Variants in NBEA observed in about 807,000 individuals in gnomAD.
The protein encoded by NBEA is neurobeachin.
In NBEA, 44 loss-of-function variants were observed where a neutral mutation model predicts 343.4. That is an observed-to-expected ratio of 0.13 (90% CI 0.10 to 0.16). NBEA has a LOEUF of 0.16. NBEA is among the 10% of genes least tolerant of loss of function. NBEA has a pLI of 1.00. For synonymous variants in NBEA, 1,175 were observed against 1,238.7 expected, an observed-to-expected ratio of 0.95 and a Z score of 1.08; for missense variants, 2,555 against 3,631.3, an observed-to-expected ratio of 0.70 and a Z score of 7.62.
At position 35,671,405 on chromosome 13, in the gene NBEA, C is replaced by CA. The variant is rs991875501; in HGVS notation, c.*415dup. 8 of 150,038 alleles carry CA rather than the reference C, an allele frequency of 5.3e-5. No individual in the cohort carries two copies. Among genetic ancestry groups the CA allele is most frequent in the African/African-American group, 2.0e-4 (8 of 40,024 alleles). The allele number at this position is 150,038 out of a possible 1,614,324, so 9.3% of individuals were successfully genotyped here. A position where few individuals can be genotyped will look rare whatever the true frequency, so the allele number is the denominator to read the frequency against. The stretch of plus-strand genomic sequence containing the variant: ...TCAAGCTGAGAAAAAAAAAAAAAAA[C>CA]ACGTTTGATACTTTGTACATCAGAT... On this transcript the variant is annotated 3_prime_UTR_variant, in exon 59 of 59. Coordinates refer to ENST00000379939, the MANE Select transcript of NBEA (RefSeq NM_001385012.1).
intron 34 of NBEA, among the ~76,000 whole-genome samples, chr13:35,264,040 G>T (rs1388617633): frequency 1.3e-5 from 2 of 149,524 alleles, no homozygotes; most frequent in Non-Finnish European, 3.0e-5. Context: ...AGAAAAAAGA[G>T]AAGACTCAAA....
chr13:35,363,865 T>G (rs556508355), intron 38 of NBEA, among the ~76,000 whole-genome samples: 1 of 152,026 alleles, frequency 6.6e-6, no homozygotes, highest in South Asian at 2.1e-4. Flanking sequence ...TCACTTTAGG[T>G]GGAATCATTG....
At chr13:35,415,779 T>G (rs1234801405) in intron 38 of NBEA, among the ~76,000 whole-genome samples, 1 of 152,166 alleles carries the variant, frequency 6.6e-6, no homozygotes, top group East Asian at 1.9e-4. Flanking sequence ...AAAAAGTCAT[T>G]GGTAGCTTGA....
rs1272770952 is a variant in NBEA at position 35,211,037 on chromosome 13, A to G, written c.5522-16A>G. The G allele has an allele frequency of 5.8e-6, 9 of 1,544,622 alleles. No individual in the cohort carries two copies. Among genetic ancestry groups the G allele is most frequent in the African/African-American group, 1.4e-5 (1 of 72,620 alleles). ...AAATTTATGTTTAAGGCTAAAAATT[A>G]TTATTTTGGGAACAGGTGCCGTGGA... On this transcript the variant is annotated splice_polypyrimidine_tract_variant and intron_variant, in intron 32 of 58. Coordinates refer to ENST00000379939, the MANE Select transcript of NBEA (RefSeq NM_001385012.1).
chr13:35,383,739 G>A (rs180791015), intron 38 of NBEA, among the ~76,000 whole-genome samples: 10 of 151,922 alleles, frequency 6.6e-5, no homozygotes, highest in Admixed American at 2.0e-4. Context: ...ACAGAAGTTA[G>A]GAAAATGAAC....
intron 38 of NBEA, among the ~76,000 whole-genome samples, chr13:35,387,001 A>C (rs938780436): frequency 1.3e-5 from 2 of 152,150 alleles, no homozygotes; most frequent in African/African-American, 4.8e-5. Flanking sequence ...AATTTTTTTC[A>C]CTGAAGTAGT....
intron 1 of NBEA, among the ~76,000 whole-genome samples, chr13:35,027,732 T>G (rs1377285223): frequency 6.6e-6 from 1 of 151,946 alleles, no homozygotes; most frequent in Non-Finnish European, 1.5e-5. Flanking sequence ...GCTTTTGGGG[T>G]CATGTCTAAA....
At chr13:35,402,481 A>G (rs1035708531) in intron 38 of NBEA, among the ~76,000 whole-genome samples, 9 of 152,040 alleles carry the variant, frequency 5.9e-5, no homozygotes, top group Non-Finnish European at 1.2e-4. Flanking sequence ...TGTGGCAAAT[A>G]TAAGTCAGGG....
At chr13:35,464,005 T>C (rs1566170776) in intron 40 of NBEA, among the ~76,000 whole-genome samples, 2 of 152,148 alleles carry the variant, frequency 1.3e-5, no homozygotes, top group Non-Finnish European at 2.9e-5. Flanking sequence ...AATGCAGATG[T>C]AGAAAAATCT....
chr13:35,012,219 C>G (rs2061512108), intron 1 of NBEA, among the ~76,000 whole-genome samples: 1 of 152,160 alleles, frequency 6.6e-6, no homozygotes, highest in South Asian at 2.1e-4. Flanking sequence ...GGTATCTCAT[C>G]AGGGCCTTCT....
chr13:35,081,782 A>G (rs1036196720), intron 10 of NBEA, among the ~76,000 whole-genome samples: 1 of 152,026 alleles, frequency 6.6e-6, no homozygotes, highest in Admixed American at 6.6e-5. Context: ...TTCAAAATTT[A>G]TTTTGTTGAT....
intron 34 of NBEA, among the ~76,000 whole-genome samples, chr13:35,237,210 G>A (rs746236388): frequency 6.6e-6 from 1 of 151,952 alleles, no homozygotes; most frequent in Admixed American, 6.6e-5. Context: ...AGCCACGATC[G>A]TACCACTGCA....
At chr13:35,342,509 A>G (rs917150604) in intron 36 of NBEA, among the ~76,000 whole-genome samples, 5 of 152,082 alleles carry the variant, frequency 3.3e-5, no homozygotes, top group African/African-American at 1.2e-4. Context: ...TCTCATAATG[A>G]CAAAACTATA....
intron 11 of NBEA, among the ~76,000 whole-genome samples, chr13:35,103,774 T>G (rs903192417): frequency 6.6e-6 from 1 of 151,856 alleles, no homozygotes; most frequent in Admixed American, 6.6e-5. Context: ...GACTCTACTT[T>G]TTTTGCGCTC....
At chr13:34,995,608 G>A (rs139441658) in intron 1 of NBEA, among the ~76,000 whole-genome samples, 50 of 152,120 alleles carry the variant, frequency 3.3e-4, no homozygotes, top group African/African-American at 1.1e-3. Context: ...AGAAAACAGA[G>A]TGGGACAAAA....
At chr13:34,957,626 C>T (rs1225448733) in intron 1 of NBEA, among the ~76,000 whole-genome samples, 7 of 152,054 alleles carry the variant, frequency 4.6e-5, no homozygotes, top group Admixed American at 4.6e-4. Flanking sequence ...AAAGCAAAAA[C>T]TTCTATTTAT....
intron 31 of NBEA, among the ~76,000 whole-genome samples, chr13:35,202,497 A>T (rs769733638): frequency 5.3e-5 from 8 of 152,178 alleles, no homozygotes; most frequent in Non-Finnish European, 1.0e-4. Context: ...GCTCTTTCTT[A>T]TCTTCAGTAT....
intron 49 of NBEA, among the ~76,000 whole-genome samples, chr13:35,638,352 G>T (rs1247399478): frequency 6.6e-6 from 1 of 152,162 alleles, no homozygotes; most frequent in African/African-American, 2.4e-5. Context: ...TGGTAAAGTG[G>T]ATGAACAAGG....
chr13:35,611,861 G>T (rs1281057385), intron 48 of NBEA, among the ~76,000 whole-genome samples: 1 of 152,156 alleles, frequency 6.6e-6, no homozygotes, highest in Non-Finnish European at 1.5e-5. Flanking sequence ...GAGTAATGCT[G>T]CTATGAACAG....
Sources: allele counts gnomAD v4.1 joint callset (sites outside exome capture counted in the v4.1 genomes callset), GRCh38; gene constraint gnomAD v4.1.1; transcripts MANE v1.5; gene names NCBI Gene and HGNC (gene_info 2026-07-23, HGNC 2026-07-21).